The following FOXP1 variants were observed in gnomAD, a reference collection of about 807,000 sequenced individuals.
FOXP1 encodes forkhead box protein P1.
Under a neutral mutation model 98.2 loss-of-function variants are expected in FOXP1, and 15 were observed. That is an observed-to-expected ratio of 0.15 (90% confidence interval 0.10 to 0.24). The LOEUF (loss-of-function observed/expected upper bound fraction) is 0.24, where lower values mean the gene tolerates loss of function less well. FOXP1 is among the 10% of genes least tolerant of loss of function. The pLI, the probability that FOXP1 is intolerant of heterozygous loss-of-function variation, is 1.00. For synonymous variants in FOXP1, 371 were observed against 314.5 expected, an observed-to-expected ratio of 1.18 and a Z score of -1.90; for missense variants, 633 against 848.5, an observed-to-expected ratio of 0.75 and a Z score of 3.15.
chr3:71,224,807 C>T (rs1199586630), intron 5 of FOXP1, among the ~76,000 whole-genome samples: 3 of 152,328 alleles, frequency 2.0e-5, no homozygotes, highest in Non-Finnish European at 2.9e-5. Flanking sequence ...GGACACCCGA[C>T]AGACTGGTTG....
chr3:71,390,744 G>A (rs1378476768), intron 3 of FOXP1, among the ~76,000 whole-genome samples: 10 of 152,190 alleles, frequency 6.6e-5, no homozygotes, highest in Admixed American at 6.5e-4. Flanking sequence ...CGTGGCCCAA[G>A]TTAAAAACGG....
At chr3:71,327,503 T>A (rs57963523) in intron 4 of FOXP1, among the ~76,000 whole-genome samples, 1 of 148,320 alleles carries the variant, frequency 6.7e-6, no homozygotes, top group Non-Finnish European at 1.5e-5. Context: ...TTCTCCTGCC[T>A]TAGCCTCCCG....
intron 2 of FOXP1, among the ~76,000 whole-genome samples, chr3:71,498,650 C>G (rs1229157062): frequency 6.6e-6 from 1 of 152,176 alleles, no homozygotes; most frequent in Non-Finnish European, 1.5e-5. Context: ...ACAACATGCT[C>G]ATCACGGGCA....
chr3:71,083,449 A>G (rs1392452683), intron 7 of FOXP1, among the ~76,000 whole-genome samples: 1 of 152,222 alleles, frequency 6.6e-6, no homozygotes, highest in African/African-American at 2.4e-5. Context: ...TTATAGTGAC[A>G]CAAGAACAGC....
chr3:71,342,007 G>T (rs535550355), intron 4 of FOXP1, among the ~76,000 whole-genome samples: 20 of 151,756 alleles, frequency 1.3e-4, no homozygotes, highest in African/African-American at 4.6e-4. Flanking sequence ...TTAAAACACA[G>T]GCTTCTGAAT....
chr3:71,553,065 A>G (rs2045887007), intron 2 of FOXP1, among the ~76,000 whole-genome samples: 1 of 152,110 alleles, frequency 6.6e-6, no homozygotes, highest in Admixed American at 6.5e-5. Flanking sequence ...TTATTTAATT[A>G]TACCTTCAAA....
chr3:71,380,688 C>G (rs1001037968), intron 3 of FOXP1, among the ~76,000 whole-genome samples: 3 of 125,790 alleles, frequency 2.4e-5, no homozygotes, highest in Non-Finnish European at 5.0e-5. Flanking sequence ...TGACTATACT[C>G]TTTTTAGACA....
intron 5 of FOXP1, among the ~76,000 whole-genome samples, chr3:71,232,666 A>C (rs2066388685): frequency 6.6e-6 from 1 of 151,888 alleles, no homozygotes; most frequent in Admixed American, 6.6e-5. Flanking sequence ...TGGGAGGTGG[A>C]GGTGGGAGGA....
chr3:71,372,663 G>A (rs13065253), intron 3 of FOXP1, among the ~76,000 whole-genome samples: 1 of 152,040 alleles, frequency 6.6e-6, no homozygotes, highest in Non-Finnish European at 1.5e-5. Context: ...GCAGATATGC[G>A]TTGAATGGAT....
At chr3:70,967,522 TTGA>T (rs1251077954) in intron 19 of FOXP1, among the ~76,000 whole-genome samples, 2 of 152,172 alleles carry the variant, frequency 1.3e-5, no homozygotes, top group Non-Finnish European at 2.9e-5. Flanking sequence ...TGAACTCATT[TTGA>T]TGAACAGCAA....
chr3:70,956,739 T>TTTTG lies in FOXP1; in HGVS notation c.*2507_*2508insCAAA, dbSNP rs2031908210. 2 of 145,270 alleles carry TTTTG rather than the reference T, an allele frequency of 1.4e-5. No homozygotes were observed. The highest frequency in any genetic ancestry group is 1.0e-4 in the African/African-American group (2 of 19,122). The allele number at this position is 145,270 out of a possible 1,614,324, so 9.0% of individuals were successfully genotyped here. ...ATGAAGCTGCCTGGAAAAGTTTTTT[T>TTTTG]TTTTTTTTTTTTTTTTTTTTTTTTT... On this transcript the variant is annotated 3_prime_UTR_variant, in exon 21 of 21. Coordinates refer to ENST00000649528, the MANE Select transcript of FOXP1 (RefSeq NM_001349338.3).
chr3:71,421,622 C>A (rs780015591), intron 3 of FOXP1, among the ~76,000 whole-genome samples: 9 of 152,124 alleles, frequency 5.9e-5, no homozygotes, highest in Non-Finnish European at 1.0e-4. Flanking sequence ...ACCCAGCCGA[C>A]TCAGGACAGA....
intron 4 of FOXP1, among the ~76,000 whole-genome samples, chr3:71,323,121 C>A (rs1170103581): frequency 6.6e-6 from 1 of 152,082 alleles, no homozygotes; most frequent in African/African-American, 2.4e-5. Context: ...CAGACATGCA[C>A]CACCACGTCT....
chr3:71,253,262 C>G (rs1250026236), intron 5 of FOXP1, among the ~76,000 whole-genome samples: 1 of 152,182 alleles, frequency 6.6e-6, no homozygotes, highest in Non-Finnish European at 1.5e-5. Context: ...CTGGTGTGGA[C>G]AGCTGGGCAT....
chr3:71,373,234 T>C (rs1577186779), intron 3 of FOXP1, among the ~76,000 whole-genome samples: 3 of 152,240 alleles, frequency 2.0e-5, no homozygotes, highest in Admixed American at 1.3e-4. Context: ...GCTGACAAAA[T>C]CTTTTCTTTC....
At chr3:71,482,720 A>G (rs1409138143) in intron 3 of FOXP1, among the ~76,000 whole-genome samples, 1 of 151,216 alleles carries the variant, frequency 6.6e-6, no homozygotes, top group Non-Finnish European at 1.5e-5. Flanking sequence ...TAACTTTAAA[A>G]TTTTTTTTTA....
chr3:71,124,622 T>C (rs2059023540), intron 6 of FOXP1, among the ~76,000 whole-genome samples: 1 of 149,604 alleles, frequency 6.7e-6, no homozygotes, highest in Non-Finnish European at 1.5e-5. Flanking sequence ...TACTTTAACT[T>C]GTAGATCATA....
At chr3:71,217,533 G>T (rs1208908835) in intron 5 of FOXP1, among the ~76,000 whole-genome samples, 1 of 151,960 alleles carries the variant, frequency 6.6e-6, no homozygotes, top group East Asian at 1.9e-4. Context: ...CCTATTATAG[G>T]TCAGGTTAGC....
chr3:71,045,843 C>A (rs967253737), intron 10 of FOXP1, among the ~76,000 whole-genome samples: 2 of 152,164 alleles, frequency 1.3e-5, no homozygotes, highest in African/African-American at 4.8e-5. Context: ...TTAAGCAACA[C>A]GAAGGAGTTT....
Sources: gnomAD v4.1 joint callset for allele counts (sites outside exome capture counted in the v4.1 genomes callset) on GRCh38, gnomAD v4.1.1 for gene constraint, MANE v1.5 for transcripts, NCBI Gene and HGNC (gene_info 2026-07-23, HGNC 2026-07-21) for gene names.